The following GPC5 variants were observed in gnomAD, a reference collection of about 807,000 sequenced individuals.
GPC5 encodes glypican-5.
In GPC5, 47 loss-of-function variants were observed where a neutral mutation model predicts 53.9. That is an observed-to-expected ratio of 0.87 (90% confidence interval 0.69 to 1.11). The LOEUF (loss-of-function observed/expected upper bound fraction) is 1.11, where lower values mean the gene tolerates loss of function less well. Among genes scored for constraint, GPC5 ranks in the 50% most tolerant of loss-of-function variants. The pLI, the probability that GPC5 is intolerant of heterozygous loss-of-function variation, is 0.00. For missense variants in GPC5, 748 were observed against 713.1 expected, an observed-to-expected ratio of 1.05 and a Z score of -0.56; for synonymous variants, 286 against 263.3, an observed-to-expected ratio of 1.09 and a Z score of -0.84.
At chr13:91,885,904 T>G (rs2039316637) in intron 5 of GPC5, among the ~76,000 whole-genome samples, 1 of 152,216 alleles carries the variant, frequency 6.6e-6, no homozygotes, top group African/African-American at 2.4e-5. Flanking sequence ...TTTTTAAATA[T>G]GTTTTCACCC....
At chr13:91,962,033 T>TA (rs1391955781) in intron 6 of GPC5, among the ~76,000 whole-genome samples, 3 of 152,160 alleles carry the variant, frequency 2.0e-5, no homozygotes, top group Non-Finnish European at 4.4e-5. Flanking sequence ...ATAAAAGAGA[T>TA]TACCTTTGAA....
intron 7 of GPC5, among the ~76,000 whole-genome samples, chr13:92,348,953 A>G (rs2043451459): frequency 6.6e-6 from 1 of 152,254 alleles, no homozygotes; most frequent in South Asian, 2.1e-4. Context: ...ATAACAATAA[A>G]TGTTTACCTA....
intron 7 of GPC5, among the ~76,000 whole-genome samples, chr13:92,517,535 T>C (rs1352958502): frequency 6.6e-6 from 1 of 152,182 alleles, no homozygotes; most frequent in African/African-American, 2.4e-5. Context: ...ATATTCGCTG[T>C]TCTGCAGCCT....
chr13:92,086,655 T>C (rs1594757603), intron 6 of GPC5, among the ~76,000 whole-genome samples: 1 of 151,338 alleles, frequency 6.6e-6, no homozygotes, highest in Non-Finnish European at 1.5e-5. Flanking sequence ...CTCTCTCTCT[T>C]TTTTTTTTCT....
intron 6 of GPC5, among the ~76,000 whole-genome samples, chr13:92,140,636 C>G (rs1239723850): frequency 2.6e-5 from 4 of 152,126 alleles, no homozygotes; most frequent in Non-Finnish European, 5.9e-5. Flanking sequence ...TGTTGGGAAC[C>G]AGTGGTTTTG....
chr13:91,914,246 A>G (rs529824306), intron 6 of GPC5, among the ~76,000 whole-genome samples: 36 of 152,160 alleles, frequency 2.4e-4, no homozygotes, highest in Non-Finnish European at 3.8e-4. Context: ...AAATTAATTT[A>G]CCTACTTTCA....
chr13:92,362,055 A>G (rs2043572058), intron 7 of GPC5, among the ~76,000 whole-genome samples: 1 of 151,764 alleles, frequency 6.6e-6, no homozygotes, highest in African/African-American at 2.4e-5. Flanking sequence ...AATAAGAATA[A>G]CTATTATTAC....
chr13:92,759,019 T>TTTC (rs1875040744), intron 7 of GPC5, among the ~76,000 whole-genome samples: 2 of 140,134 alleles, frequency 1.4e-5, no homozygotes, highest in African/African-American at 5.1e-5. Flanking sequence ...TTTTTTTTTT[T>TTTC]GGTGCTGTCA....
chr13:92,724,442 A>G (rs1888582894), intron 7 of GPC5, among the ~76,000 whole-genome samples: 1 of 151,634 alleles, frequency 6.6e-6, no homozygotes, highest in Non-Finnish European at 1.5e-5. Flanking sequence ...ACTGTGTTCC[A>G]TAGCCTATTT....
intron 7 of GPC5, among the ~76,000 whole-genome samples, chr13:92,758,401 A>T (rs1335137460): frequency 6.6e-6 from 1 of 151,700 alleles, no homozygotes; most frequent in Non-Finnish European, 1.5e-5. Flanking sequence ...GGTGCAGCGC[A>T]CCAGCATGGC....
At chr13:92,279,984 T>G (rs1333255483) in intron 7 of GPC5, among the ~76,000 whole-genome samples, 1 of 152,170 alleles carries the variant, frequency 6.6e-6, no homozygotes, top group Non-Finnish European at 1.5e-5. Flanking sequence ...GTAGAATTTG[T>G]GTTAATTCTT....
At chr13:91,799,341 G>A (rs1485691476) in intron 5 of GPC5, among the ~76,000 whole-genome samples, 2 of 152,124 alleles carry the variant, frequency 1.3e-5, no homozygotes, top group African/African-American at 2.4e-5. Flanking sequence ...GAAGGAGAAG[G>A]GAGGAAGAGG....
chr13:92,067,096 A>C (rs1312586139), intron 6 of GPC5, among the ~76,000 whole-genome samples: 3 of 152,048 alleles, frequency 2.0e-5, no homozygotes, highest in Non-Finnish European at 4.4e-5. Flanking sequence ...AATCATGAGA[A>C]CAAAGTCTTT....
rs190269794 is a variant in GPC5 at position 92,852,780 on chromosome 13, T to A, written c.1562-13502T>A. Among the ~76,000 whole-genome samples the A allele has an allele frequency of 2.4e-3, 359 of 152,278 alleles. 6 individuals carry two copies. The highest frequency in any genetic ancestry group is 1.4e-3 in the East Asian group (7 of 5,154). On this transcript the variant is annotated intron_variant, in intron 7 of 7. Transcript: ENST00000377067. Reference sequence around the variant, plus strand: ...TTGGCAGTTTGTGTCTCCACACCTGTGTCCTACTGCTCTGGTGAGCTTTGA... The same window carrying A: ...TTGGCAGTTTGTGTCTCCACACCTGAGTCCTACTGCTCTGGTGAGCTTTGA...
chr13:92,829,429 C>T (rs887287202), intron 7 of GPC5, among the ~76,000 whole-genome samples: 1 of 152,120 alleles, frequency 6.6e-6, no homozygotes, highest in African/African-American at 2.4e-5. Context: ...ATTAAAGATT[C>T]ATTTACTGTT....
chr13:92,250,026 T>C (rs1441197847), intron 7 of GPC5, among the ~76,000 whole-genome samples: 2 of 152,120 alleles, frequency 1.3e-5, no homozygotes, highest in East Asian at 3.9e-4. Context: ...CAAAGATCAA[T>C]GGATAATAAA....
intron 7 of GPC5, among the ~76,000 whole-genome samples, chr13:92,512,249 T>TGTGTGC (rs3064762): frequency 0.07 from 10,489 of 149,480 alleles, 446 homozygotes; most frequent in Middle Eastern, 0.16. Context: ...TGTGTGTGTG[T>TGTGTGC]GCGCGCGCGC....
chr13:91,425,399 G>A (rs1387918826), intron 1 of GPC5, among the ~76,000 whole-genome samples: 1 of 152,144 alleles, frequency 6.6e-6, no homozygotes, highest in Admixed American at 6.5e-5. Flanking sequence ...ATCTCCAAGT[G>A]TTTAGGAAGA....
At chr13:91,898,848 T>A (rs1594649947) in intron 5 of GPC5, among the ~76,000 whole-genome samples, 1 of 151,970 alleles carries the variant, frequency 6.6e-6, no homozygotes, top group South Asian at 2.1e-4. Context: ...GAAAAAAAAA[T>A]TCAGTTAAAA....
Sources: gnomAD v4.1 joint callset for allele counts (sites outside exome capture counted in the v4.1 genomes callset) on GRCh38, gnomAD v4.1.1 for gene constraint, MANE v1.5 for transcripts, NCBI Gene and HGNC (gene_info 2026-07-23, HGNC 2026-07-21) for gene names.